The following SOS2 variants were observed in gnomAD, a reference collection of about 807,000 sequenced individuals.
SOS2 encodes the protein son of sevenless homolog 2.
SOS2 carries 65 observed loss-of-function variants against 148.2 expected under a neutral mutation model. The ratio of observed to expected loss-of-function variants is 0.44; its 90% confidence interval spans 0.36 to 0.54. The LOEUF (loss-of-function observed/expected upper bound fraction) is 0.54. Among genes scored for constraint, SOS2 ranks in the 20% least tolerant of loss-of-function variants. The pLI is 0.00. For synonymous variants in SOS2, 539 were observed against 537.1 expected (o/e 1.00, Z -0.05); for missense variants, 1,341 against 1,590.2 (o/e 0.84, Z 2.67).
chr14:50,127,779 C>T (rs1008129860), intron 21 of SOS2, among the ~76,000 whole-genome samples: 1 of 152,186 alleles, frequency 6.6e-6, no homozygotes, highest in African/African-American at 2.4e-5. Flanking sequence ...TCACTGCTAT[C>T]ACTCTCACAT....
intron 13 of SOS2, among the ~76,000 whole-genome samples, chr14:50,151,823 A>C (rs1884671768): frequency 6.6e-6 from 1 of 152,140 alleles, no homozygotes; most frequent in African/African-American, 2.4e-5. Context: ...CTGGGCTTAA[A>C]AGTGATCGCT....
intron 10 of SOS2, among the ~76,000 whole-genome samples, chr14:50,158,873 A>T (rs1413624254): frequency 3.9e-5 from 6 of 152,122 alleles, no homozygotes; most frequent in Non-Finnish European, 8.8e-5. Flanking sequence ...ATAAGCGAGG[A>T]TTGTTTTCAA....
intron 4 of SOS2, among the ~76,000 whole-genome samples, chr14:50,194,047 G>A (rs1886241107): frequency 6.6e-6 from 1 of 152,052 alleles, no homozygotes; most frequent in African/African-American, 2.4e-5. Context: ...GCCCGGCCAA[G>A]TCATCTGGAT....
intron 6 of SOS2, among the ~76,000 whole-genome samples, chr14:50,180,929 AT>A (rs1375146941): frequency 6.6e-6 from 1 of 152,152 alleles, no homozygotes; most frequent in Non-Finnish European, 1.5e-5. Flanking sequence ...TTAATGGGAT[AT>A]CTGCAGAACC....
At chr14:50,168,524 T>C (rs927532180) in intron 8 of SOS2, among the ~76,000 whole-genome samples, 8 of 152,222 alleles carry the variant, frequency 5.3e-5, no homozygotes, top group African/African-American at 1.7e-4. Flanking sequence ...GCCTCGCCTA[T>C]ATACCTTCTT....
At chr14:50,160,639 G>A (rs141516594) in intron 9 of SOS2, among the ~76,000 whole-genome samples, 3,707 of 151,880 alleles carry the variant, frequency 0.024, 147 homozygotes, top group African/African-American at 0.083. Context: ...TGCCCACCTT[G>A]GACTCCCGAA....
chr14:50,123,678 C>T (rs776874879), intron 21 of SOS2, among the ~76,000 whole-genome samples: 3 of 150,820 alleles, frequency 2.0e-5, no homozygotes, highest in Admixed American at 6.6e-5. Context: ...CCACCGTACC[C>T]GGCCCACCAG....
Position 50,199,712 on chromosome 14 carries a change from T to C in SOS2, c.489A>G (p.Lys163=), listed in dbSNP as rs1886423493. The part of the protein sequence containing the change: ...RHYEISQQDI[K]VSMCADKVLM... ...TTACCTTATCCGCACACATTGACACTTTAATGTCCTGCTGAGATATTTCAT... is the reference window on the plus strand; with the variant it reads ...TTACCTTATCCGCACACATTGACACCTTAATGTCCTGCTGAGATATTTCAT... The change falls in exon 4 of 23, where the codon AAA becomes AAG. Residue 163 remains lysine (K), a synonymous_variant. Coordinates refer to ENST00000216373, the MANE Select transcript of SOS2 (RefSeq NM_006939.4). The C allele has an allele frequency of 6.2e-7, 1 of 1,607,180 alleles. No individual in the cohort carries two copies. Among genetic ancestry groups the C allele is most frequent in the East Asian group, 2.2e-5 (1 of 44,620 alleles).
chr14:50,191,579 C>T (rs1886140325), intron 4 of SOS2, among the ~76,000 whole-genome samples: 2 of 152,166 alleles, frequency 1.3e-5, no homozygotes, highest in African/African-American at 4.8e-5. Flanking sequence ...ACCTTCTCTA[C>T]CACCCACTCC....
chr14:50,167,689 T>C (rs570397484), intron 8 of SOS2, among the ~76,000 whole-genome samples: 17 of 152,180 alleles, frequency 1.1e-4, no homozygotes, highest in Middle Eastern at 3.4e-3. Context: ...GCCAACATGA[T>C]GAAACCCAGT....
In SOS2 at chr14:50,224,304, A is replaced by ATAT. The variant is rs1555324598; in HGVS notation, c.87+6892_87+6893insATA. ...AGACTCCGTCTCAGGAAAAAAAAAA[A>ATAT]ATATATATATACACACACACACACA... On this transcript the variant is annotated intron_variant, in intron 1 of 22. Coordinates refer to ENST00000216373, the MANE Select transcript of SOS2 (RefSeq NM_006939.4). 2.8e-3 allele frequency among the ~76,000 whole-genome samples: 175 copies of ATAT among 62,646 alleles called. 1 individual carries two copies. Among genetic ancestry groups the ATAT allele is most frequent in the African/African-American group, 8.6e-3 (141 of 16,452 alleles). The allele number at this position is 62,646 out of a possible 152,430, so 41.1% of individuals were successfully genotyped here.
intron 19 of SOS2, 120 bp from the exon 20 acceptor site, chr14:50,130,882 T>A (rs1883845736): frequency 5.4e-6 from 4 of 747,442 alleles, no homozygotes; most frequent in Admixed American, 6.4e-5. Flanking sequence ...AAGCGTGCAG[T>A]CCTTCAGTCT....
chr14:50,120,736 CT>C (rs34012845), intron 21 of SOS2, among the ~76,000 whole-genome samples: 331 of 107,492 alleles, frequency 3.1e-3, no homozygotes, highest in African/African-American at 0.011. Flanking sequence ...AATCAGAGAC[CT>C]TTTTTTTTTT....
chr14:50,152,353 T>C (rs945758268), intron 13 of SOS2, among the ~76,000 whole-genome samples: 4 of 152,120 alleles, frequency 2.6e-5, no homozygotes, highest in Admixed American at 1.3e-4. Flanking sequence ...TTCAGAAATA[T>C]ACCAAAAACA....
At chr14:50,135,677 C>CA (rs1884056839) in intron 18 of SOS2, among the ~76,000 whole-genome samples, 2 of 112,186 alleles carry the variant, frequency 1.8e-5, no homozygotes, top group South Asian at 6.0e-4. Flanking sequence ...GATGGAGTCT[C>CA]ACTCAGCCTT....
At chr14:50,193,783 T>C (rs183862697) in intron 4 of SOS2, among the ~76,000 whole-genome samples, 1 of 152,002 alleles carries the variant, frequency 6.6e-6, no homozygotes, top group East Asian at 1.9e-4. Context: ...TAGTTTCACT[T>C]TGTTGCCCAG....
intron 7 of SOS2, among the ~76,000 whole-genome samples, chr14:50,178,529 TCTCGGCTCACTGCAACCCCCAC>T (rs1885601078): frequency 1.3e-5 from 2 of 151,730 alleles, no homozygotes; most frequent in South Asian, 4.2e-4. Context: ...AGTGTTGCAA[TCTCGGCTCACTGCAACCCCCAC>T]CTCCTGGGTT....
rs781172817 is a variant in SOS2, at chr14:50,158,615, T to C, written c.1884A>G (p.Thr628=). 1.2e-6 allele frequency: 2 copies of C among 1,610,006 alleles called. No homozygotes were observed. The highest frequency in any genetic ancestry group is 8.5e-7 in the Non-Finnish European group (1 of 1,177,802). The change falls in exon 11 of 23, where the codon ACA becomes ACG. Residue 628 remains threonine (T), a synonymous_variant. Coordinates refer to ENST00000216373, the MANE Select transcript of SOS2 (RefSeq NM_006939.4). ...DPNFVRTFLT[T]YRSFCKPQEL... is the part of the protein sequence containing the mutation. ...CCTGTGGTTTACAAAATGAACGATA[T>C]GTGGTAAGAAAAGTACGAACAAAAT...
rs1241948680 is a variant in SOS2, at chr14:50,140,077, T to C, written c.2668-18A>G. On this transcript the variant is annotated intron_variant, in intron 16 of 22. Coordinates refer to ENST00000216373, the MANE Select transcript of SOS2 (RefSeq NM_006939.4). The stretch of plus-strand genomic sequence containing the variant: ...TGCAGTGCCTTAAAGTATACATAAA[T>C]TGAGTATAAATTTTTTACAATTCAA... 8.7e-7 allele frequency: 1 copy of C among 1,144,410 alleles called. No homozygotes were observed. The highest frequency in any genetic ancestry group is 1.3e-6 in the Non-Finnish European group (1 of 776,666). The allele number at this position is 1,144,410 out of a possible 1,614,324, so 70.9% of individuals were successfully genotyped here. A position where few individuals can be genotyped will look rare whatever the true frequency, so the allele number is the denominator to read the frequency against.
Sources: allele counts gnomAD v4.1 joint callset (sites outside exome capture counted in the v4.1 genomes callset), GRCh38; gene constraint gnomAD v4.1.1; transcripts MANE v1.5; gene names NCBI Gene and HGNC (gene_info 2026-07-23, HGNC 2026-07-21).